Variants in ZFPM2 observed in about 807,000 individuals in gnomAD.
ZFPM2 encodes zinc finger protein, FOG family member 2, also known as zinc finger protein ZFPM2.
ZFPM2 carries 20 observed loss-of-function variants against 98.6 expected under a neutral mutation model. The ratio of observed to expected loss-of-function variants is 0.20; its 90% CI spans 0.14 to 0.29. ZFPM2 has a LOEUF of 0.29. ZFPM2 is among the 10% of genes least tolerant of loss of function. The pLI is 1.00. For synonymous variants in ZFPM2, 518 were observed against 502.7 expected (o/e 1.03, Z -0.41); for missense variants, 1,310 against 1,388.6 (o/e 0.94, Z 0.90).
chr8:105,740,721 C>T (rs376102752), intron 5 of ZFPM2, among the ~76,000 whole-genome samples: 1 of 151,088 alleles, frequency 6.6e-6, no homozygotes, highest in African/African-American at 2.4e-5. Flanking sequence ...TAGGTGTTAC[C>T]CTAGGAAACA....
In ZFPM2 at chr8:105,441,461, A is replaced by G. The variant is rs1812241728; in HGVS notation, c.200-2819A>G. Among the ~76,000 whole-genome samples, 60 of 108,204 alleles carry G rather than the reference A, an allele frequency of 5.5e-4. 4 individuals carry two copies. Among genetic ancestry groups the G allele is most frequent in the African/African-American group, 1.2e-3 (32 of 25,690 alleles). 71.0% of individuals were successfully genotyped at this position (108,204 alleles called of 152,430 possible). A position where few individuals can be genotyped will look rare whatever the true frequency, so the allele number is the denominator to read the frequency against. ...GAGAGAGAGAGAGAGAGAGAAAGAA[A>G]GAAAGAAAGAAAGAAAGAAAGAAAG... On this transcript the variant is annotated intron_variant, in intron 2 of 7. Coordinates refer to ENST00000407775, the MANE Select transcript of ZFPM2 (RefSeq NM_012082.4).
At chr8:105,412,836 C>T (rs1335454207) in intron 1 of ZFPM2, among the ~76,000 whole-genome samples, 3 of 151,592 alleles carry the variant, frequency 2.0e-5, no homozygotes, top group African/African-American at 7.3e-5. Flanking sequence ...TAATAGGAAC[C>T]GAGTGAGAAG....
chr8:105,401,825 TAAC>T (rs1161657628), intron 1 of ZFPM2, among the ~76,000 whole-genome samples: 1 of 152,192 alleles, frequency 6.6e-6, no homozygotes, highest in Non-Finnish European at 1.5e-5. Context: ...CACTGCATTG[TAAC>T]AACATTTGAT....
At chr8:105,489,366 GTATATATT>G (rs1813304746) in intron 3 of ZFPM2, among the ~76,000 whole-genome samples, 1 of 139,280 alleles carries the variant, frequency 7.2e-6, no homozygotes, top group African/African-American at 2.9e-5. Context: ...ATATTTATAG[GTATATATT>G]TATATATTTA....
At chr8:105,446,982 A>G (rs1375708312) in intron 3 of ZFPM2, among the ~76,000 whole-genome samples, 2 of 152,144 alleles carry the variant, frequency 1.3e-5, no homozygotes, top group Admixed American at 6.5e-5. Flanking sequence ...CTTTGATGTT[A>G]CTACTGCAAG....
At chr8:105,642,823 G>T (rs1458082404) in intron 5 of ZFPM2, among the ~76,000 whole-genome samples, 4 of 152,144 alleles carry the variant, frequency 2.6e-5, no homozygotes, top group Non-Finnish European at 4.4e-5. Flanking sequence ...GTGGAATTTT[G>T]GTTGGATATT....
intron 6 of ZFPM2, among the ~76,000 whole-genome samples, chr8:105,795,050 T>G (rs1018541135): frequency 6.6e-6 from 1 of 152,184 alleles, no homozygotes; most frequent in African/African-American, 2.4e-5. Flanking sequence ...AGGCAATGCC[T>G]CGCCCTGCTT....
intron 5 of ZFPM2, among the ~76,000 whole-genome samples, chr8:105,645,749 G>A (rs1043163478): frequency 6.6e-6 from 1 of 151,980 alleles, no homozygotes; most frequent in Non-Finnish European, 1.5e-5. Flanking sequence ...AGCTATAGGA[G>A]GAATATTTAT....
intron 5 of ZFPM2, among the ~76,000 whole-genome samples, chr8:105,668,848 A>G (rs1817534509): frequency 6.6e-6 from 1 of 152,164 alleles, no homozygotes; most frequent in South Asian, 2.1e-4. Context: ...TAATAATCAT[A>G]TTTTAACTTT....
chr8:105,319,040 G>A, intron 1 of ZFPM2, 59 bp downstream of exon 1: 1 of 1,459,682 alleles, frequency 6.9e-7, no homozygotes, highest in African/African-American at 1.4e-5. Flanking sequence ...CGGGGTGCGC[G>A]GGACGGGAAA....
At chr8:105,712,351 C>A (rs1247500637) in intron 5 of ZFPM2, among the ~76,000 whole-genome samples, 1 of 152,004 alleles carries the variant, frequency 6.6e-6, no homozygotes, top group Non-Finnish European at 1.5e-5. Flanking sequence ...TTTTGAAAGA[C>A]AGACCATAAA....
chr8:105,405,768 G>A (rs1323126961), intron 1 of ZFPM2, among the ~76,000 whole-genome samples: 1 of 152,110 alleles, frequency 6.6e-6, no homozygotes, highest in Non-Finnish European at 1.5e-5. Flanking sequence ...ATAACAGCAT[G>A]ATTTATAATC....
At chr8:105,372,823 C>A (rs1197510356) in intron 1 of ZFPM2, among the ~76,000 whole-genome samples, 3 of 152,016 alleles carry the variant, frequency 2.0e-5, no homozygotes, top group Non-Finnish European at 4.4e-5. Context: ...TTTTATCCAT[C>A]AGGACATGCA....
At chr8:105,697,916 GTC>G (rs1234208703) in intron 5 of ZFPM2, among the ~76,000 whole-genome samples, 43 of 152,254 alleles carry the variant, frequency 2.8e-4, no homozygotes, top group African/African-American at 9.1e-4. Context: ...TCTTATCATA[GTC>G]TCTGATAGTT....
At chr8:105,365,675 A>G (rs1810491927) in intron 1 of ZFPM2, among the ~76,000 whole-genome samples, 1 of 152,156 alleles carries the variant, frequency 6.6e-6, no homozygotes, top group Admixed American at 6.6e-5. Flanking sequence ...AAAGGAAACC[A>G]TATTGCTTAG....
intron 6 of ZFPM2, 156 bp downstream of exon 6, chr8:105,789,080 A>G: frequency 1.5e-6 from 1 of 649,920 alleles, no homozygotes; most frequent in Non-Finnish European, 2.4e-6. Flanking sequence ...ATTTGAGAAA[A>G]TGATGTTACT....
At chr8:105,420,539 A>G (rs1811771692) in intron 2 of ZFPM2, among the ~76,000 whole-genome samples, 1 of 152,154 alleles carries the variant, frequency 6.6e-6, no homozygotes, top group Non-Finnish European at 1.5e-5. Flanking sequence ...AACTTGTAGC[A>G]TGGTCCTTGT....
At chr8:105,663,955 G>GT (rs886416247) in intron 5 of ZFPM2, among the ~76,000 whole-genome samples, 1 of 152,280 alleles carries the variant, frequency 6.6e-6, no homozygotes, top group African/African-American at 2.4e-5. Context: ...TTTCCGATAC[G>GT]TGTCCCCTTG....
At chr8:105,445,774 T>G (rs1480895729) in intron 3 of ZFPM2, among the ~76,000 whole-genome samples, 1 of 151,602 alleles carries the variant, frequency 6.6e-6, no homozygotes, top group East Asian at 1.9e-4. Flanking sequence ...CTGCCTAATT[T>G]TTATATTTTT....
Sources: allele counts gnomAD v4.1 joint callset (sites outside exome capture counted in the v4.1 genomes callset), GRCh38; gene constraint gnomAD v4.1.1; transcripts MANE v1.5; gene names NCBI Gene and HGNC (gene_info 2026-07-23, HGNC 2026-07-21).